MDGA2: variants seen among roughly 807,000 people sequenced by gnomAD.
MDGA2 encodes the protein MAM domain containing glycosylphosphatidylinositol anchor 2.
A neutral mutation model predicts 117.8 loss-of-function variants in MDGA2; 40 were observed. The ratio of observed to expected loss-of-function variants is 0.34; its 90% CI spans 0.26 to 0.44. The LOEUF (loss-of-function observed/expected upper bound fraction) is 0.44, where lower values mean the gene tolerates loss of function less well. Ranked by LOEUF, MDGA2 falls within the 20% of genes least tolerant of loss-of-function variation. The probability of loss-of-function intolerance (pLI) is 1.00; values close to 1 mark genes in which losing one functional copy is unlikely to be tolerated. For missense variants in MDGA2, 1,123 were observed against 1,250.6 expected (o/e 0.90, Z 1.54); for synonymous variants, 452 against 439.0 (o/e 1.03, Z -0.37).
At chr14:47,122,747 T>TC (rs1193786024) in intron 5 of MDGA2, among the ~76,000 whole-genome samples, 4 of 152,030 alleles carry the variant, frequency 2.6e-5, no homozygotes, top group Non-Finnish European at 2.9e-5. Flanking sequence ...ATAATGCAAT[T>TC]CTTAGTATTT....
At chr14:47,317,390 T>C (rs1308824280) in intron 1 of MDGA2, among the ~76,000 whole-genome samples, 1 of 152,118 alleles carries the variant, frequency 6.6e-6, no homozygotes, top group African/African-American at 2.4e-5. Flanking sequence ...GATATATGTG[T>C]GTATATTTAT....
At chr14:47,524,869 G>A (rs1303081762) in intron 1 of MDGA2, among the ~76,000 whole-genome samples, 2 of 152,180 alleles carry the variant, frequency 1.3e-5, no homozygotes, top group East Asian at 1.9e-4. Context: ...TCTTAAGCGA[G>A]TTGTGGTCAT....
intron 1 of MDGA2, among the ~76,000 whole-genome samples, chr14:47,372,682 A>C (rs1891389267): frequency 1.3e-5 from 2 of 151,990 alleles, no homozygotes. Flanking sequence ...AAGAATTACT[A>C]TTGATTCAGT....
chr14:47,280,130 C>T (rs976771902), intron 2 of MDGA2, among the ~76,000 whole-genome samples: 1 of 151,664 alleles, frequency 6.6e-6, no homozygotes, highest in Non-Finnish European at 1.5e-5. Context: ...GCCTGACCAA[C>T]ATGGAGAAAC....
chr14:47,272,973 G>A (rs1295758926), intron 2 of MDGA2, among the ~76,000 whole-genome samples: 1 of 152,066 alleles, frequency 6.6e-6, no homozygotes, highest in East Asian at 1.9e-4. Context: ...ACTTAACTAA[G>A]GCAGTGATTT....
intron 2 of MDGA2, among the ~76,000 whole-genome samples, chr14:47,271,128 C>G (rs1888130034): frequency 6.6e-6 from 1 of 152,136 alleles, no homozygotes; most frequent in Admixed American, 6.6e-5. Flanking sequence ...AAAAATGGTT[C>G]CAGACCTCCA....
chr14:47,606,281 A>G (rs1260027358), intron 1 of MDGA2, among the ~76,000 whole-genome samples: 1 of 152,202 alleles, frequency 6.6e-6, no homozygotes, highest in Non-Finnish European at 1.5e-5. Context: ...CAGCCAGGCT[A>G]AAGTATTTAA....
At chr14:47,052,373 C>A (rs887325158) in intron 7 of MDGA2, among the ~76,000 whole-genome samples, 1 of 151,782 alleles carries the variant, frequency 6.6e-6, no homozygotes, top group Non-Finnish European at 1.5e-5. Context: ...AGTAATTAGA[C>A]AAAAGCTAAT....
chr14:46,909,457 T>A (rs570987011), intron 10 of MDGA2, among the ~76,000 whole-genome samples: 34 of 152,260 alleles, frequency 2.2e-4, no homozygotes, highest in Middle Eastern at 6.8e-3. Flanking sequence ...AAGCACCGTA[T>A]GTCCCTTTCA....
intron 3 of MDGA2, among the ~76,000 whole-genome samples, chr14:47,193,017 T>C (rs912145307): frequency 2.6e-5 from 4 of 152,224 alleles, no homozygotes; most frequent in Admixed American, 2.6e-4. Flanking sequence ...AAGAATATCA[T>C]TGTATTTTTT....
At chr14:47,442,947 C>G (rs952698998) in intron 1 of MDGA2, among the ~76,000 whole-genome samples, 1 of 152,128 alleles carries the variant, frequency 6.6e-6, no homozygotes, top group Admixed American at 6.6e-5. Flanking sequence ...CCTTTAGTCA[C>G]TTAACCATCT....
intron 3 of MDGA2, among the ~76,000 whole-genome samples, chr14:47,187,091 T>C (rs1205273551): frequency 2.0e-5 from 3 of 151,858 alleles, no homozygotes; most frequent in African/African-American, 7.3e-5. Flanking sequence ...ATTTTCCCAA[T>C]TGTAAGAAAG....
intron 1 of MDGA2, among the ~76,000 whole-genome samples, chr14:47,579,645 A>G (rs527815953): frequency 4.6e-5 from 7 of 152,092 alleles, no homozygotes; most frequent in Non-Finnish European, 1.0e-4. Context: ...TTAAAAAGAT[A>G]GGGTAAGTTT....
chr14:47,674,719 G>A lies in MDGA2; in HGVS notation c.78C>T (p.Leu26=). The A allele has an allele frequency of 1.2e-6, 1 of 857,792 alleles. No homozygotes were observed. The highest frequency in any genetic ancestry group is 1.9e-6 in the Non-Finnish European group (1 of 517,248). The allele number at this position is 857,792 out of a possible 1,614,324, so 53.1% of individuals were successfully genotyped here. A position where few individuals can be genotyped will look rare whatever the true frequency, so the allele number is the denominator to read the frequency against. ...GGTGCCCGGGAACCGCTCGCCGAAG[G>A]AGGAAGCGCCGTCCGTCTGTCCTTC... ...RRGRTDGRRF[L]LRRAVPGHLG... Residue 26 remains leucine, a synonymous_variant, in exon 1 of 17, where the codon CTC becomes CTT. Coordinates refer to ENST00000399232, the MANE Select transcript of MDGA2 (RefSeq NM_001113498.3).
At chr14:46,847,692 A>G (rs1880896575) in intron 15 of MDGA2, among the ~76,000 whole-genome samples, 1 of 152,078 alleles carries the variant, frequency 6.6e-6, no homozygotes, top group African/African-American at 2.4e-5. Flanking sequence ...GGTGCAGAAT[A>G]TTCCACATTA....
chr14:47,624,186 G>A (rs369953287), intron 1 of MDGA2, among the ~76,000 whole-genome samples: 86 of 152,260 alleles, frequency 5.6e-4, no homozygotes, highest in Middle Eastern at 3.4e-3. Flanking sequence ...GGCCGGGTGC[G>A]GTAGCTCACG....
intron 1 of MDGA2, among the ~76,000 whole-genome samples, chr14:47,478,964 A>G (rs1258060744): frequency 6.6e-6 from 1 of 152,194 alleles, no homozygotes; most frequent in Non-Finnish European, 1.5e-5. Flanking sequence ...AGTTCCATCA[A>G]AAGAAAATAT....
intron 1 of MDGA2, among the ~76,000 whole-genome samples, chr14:47,347,980 G>C (rs1485999831): frequency 3.3e-5 from 5 of 152,142 alleles, no homozygotes; most frequent in African/African-American, 1.2e-4. Context: ...GAAGACAAGA[G>C]TGAAGTTTTA....
chr14:47,596,835 G>T (rs1311874834), intron 1 of MDGA2, among the ~76,000 whole-genome samples: 1 of 152,088 alleles, frequency 6.6e-6, no homozygotes, highest in Non-Finnish European at 1.5e-5. Flanking sequence ...TCCTGTAGAG[G>T]TTAGGAAGCT....
Sources: gnomAD v4.1 joint callset for allele counts (sites outside exome capture counted in the v4.1 genomes callset) on GRCh38, gnomAD v4.1.1 for gene constraint, MANE v1.5 for transcripts, NCBI Gene and HGNC (gene_info 2026-07-23, HGNC 2026-07-21) for gene names.